Variants in DAPK1 observed in about 807,000 individuals in gnomAD.
The protein encoded by DAPK1 is death-associated protein kinase 1.
DAPK1 carries 56 observed loss-of-function variants against 144.9 expected under a neutral mutation model. That is an observed-to-expected ratio of 0.39 (90% CI 0.31 to 0.48). The LOEUF is 0.48. Ranked by LOEUF, DAPK1 falls within the 20% of genes least tolerant of loss-of-function variation. The probability of loss-of-function intolerance (pLI) is 0.95; values close to 1 mark genes in which losing one functional copy is unlikely to be tolerated. For missense variants in DAPK1, 1,454 were observed against 1,875.4 expected, an observed-to-expected ratio of 0.78 and a Z score of 4.15; for synonymous variants, 690 against 749.0, an observed-to-expected ratio of 0.92 and a Z score of 1.29.
At chr9:87,560,664 G>C (rs1157110177) in intron 2 of DAPK1, among the ~76,000 whole-genome samples, 1 of 121,666 alleles carries the variant, frequency 8.2e-6, no homozygotes, top group African/African-American at 3.7e-5. Context: ...GTGTCAGAAC[G>C]TACTTTTTTT....
chr9:87,534,749 A>G (rs1187055315), intron 2 of DAPK1, among the ~76,000 whole-genome samples: 1 of 151,694 alleles, frequency 6.6e-6, no homozygotes, highest in African/African-American at 2.4e-5. Flanking sequence ...GGTTCAAGCA[A>G]TTCTCCTGCC....
intron 2 of DAPK1, among the ~76,000 whole-genome samples, chr9:87,574,201 C>T (rs1827462895): frequency 6.6e-6 from 1 of 152,180 alleles, no homozygotes; most frequent in Non-Finnish European, 1.5e-5. Flanking sequence ...TTCTATTGGT[C>T]AGAACATAAC....
At chr9:87,532,003 TC>T (rs1286816131) in intron 2 of DAPK1, among the ~76,000 whole-genome samples, 1 of 152,204 alleles carries the variant, frequency 6.6e-6, no homozygotes, top group Non-Finnish European at 1.5e-5. Flanking sequence ...ACAAACACGT[TC>T]CTGAACAGGC....
chr9:87,613,029 T>C (rs780575734), intron 3 of DAPK1, among the ~76,000 whole-genome samples: 1 of 152,268 alleles, frequency 6.6e-6, no homozygotes, highest in Non-Finnish European at 1.5e-5. Flanking sequence ...TTATTTGTTC[T>C]GCTTCCATTT....
At chr9:87,602,890 C>T (rs1828576282) in intron 2 of DAPK1, among the ~76,000 whole-genome samples, 1 of 151,958 alleles carries the variant, frequency 6.6e-6, no homozygotes, top group Non-Finnish European at 1.5e-5. Context: ...CCTCGGCCTC[C>T]CAAAGCGGTT....
intron 19 of DAPK1, among the ~76,000 whole-genome samples, chr9:87,677,094 C>T (rs1824414316): frequency 1.3e-5 from 2 of 152,172 alleles, no homozygotes; most frequent in African/African-American, 4.8e-5. Flanking sequence ...CTGGAAGGCG[C>T]CGTGCACGTG....
intron 21 of DAPK1, among the ~76,000 whole-genome samples, chr9:87,689,914 G>A (rs1412638451): frequency 6.6e-6 from 1 of 152,182 alleles, no homozygotes; most frequent in African/African-American, 2.4e-5. Flanking sequence ...TAGCCTTGCA[G>A]TGTATTTTGA....
At chr9:87,642,863 G>C (rs1419133003) in intron 10 of DAPK1, among the ~76,000 whole-genome samples, 2 of 152,206 alleles carry the variant, frequency 1.3e-5, no homozygotes, top group African/African-American at 4.8e-5. Flanking sequence ...TTTTGCCTTA[G>C]AGAGTAAATG....
At chr9:87,641,907 GTCATA>G in intron 9 of DAPK1, 57 bp from the exon 10 acceptor site, 2 of 1,359,976 alleles carry the variant, frequency 1.5e-6, no homozygotes, top group Non-Finnish European at 2.1e-6. Context: ...TCAAAAAATT[GTCATA>G]TAACACATTT....
chr9:87,658,099 T>C lies in DAPK1; in HGVS notation c.1895T>C (p.Met632Thr). The change falls in exon 18 of 26, where the codon ATG (methionine) becomes ACG (threonine). Residue 632 changes from methionine (M) to threonine (T), a missense_variant. By Grantham distance (81) the Met-to-Thr change is moderately conservative. Coordinates refer to ENST00000408954, the MANE Select transcript of DAPK1 (RefSeq NM_004938.4). ...GACGTGGTCCGGTATCTCTGTCTGA[T>C]GGGAGCCAGCGTTGAGGCGCTGACC... Reference protein sequence around the residue: ...ILDVVRYLCLMGASVEALTTD... With the variant: ...ILDVVRYLCLTGASVEALTTD... 1 of 1,521,118 alleles carries C rather than the reference T, an allele frequency of 6.6e-7. No homozygotes were observed. The highest frequency in any genetic ancestry group is 9.1e-7 in the Non-Finnish European group (1 of 1,096,190). 94.2% of individuals were successfully genotyped at this position (1,521,118 alleles called of 1,614,324 possible). A position where few individuals can be genotyped will look rare whatever the true frequency, so the allele number is the denominator to read the frequency against.
chr9:87,538,571 C>T (rs1026084919), intron 2 of DAPK1, among the ~76,000 whole-genome samples: 2 of 152,124 alleles, frequency 1.3e-5, no homozygotes, highest in South Asian at 2.1e-4. Flanking sequence ...GTCTTTGAGA[C>T]GGGTTGTTAG....
chr9:87,613,490 G>C (rs759469293), intron 3 of DAPK1, among the ~76,000 whole-genome samples: 6 of 152,216 alleles, frequency 3.9e-5, no homozygotes, highest in Non-Finnish European at 8.8e-5. Flanking sequence ...TCACGGTTCA[G>C]TTGGCTCACT....
chr9:87,676,250 C>T (rs1242529600), intron 19 of DAPK1, among the ~76,000 whole-genome samples: 1 of 152,264 alleles, frequency 6.6e-6, no homozygotes, highest in African/African-American at 2.4e-5. Flanking sequence ...GTGTTAAACA[C>T]ACACTGTGTA....
chr9:87,566,243 G>T (rs192553054), intron 2 of DAPK1, among the ~76,000 whole-genome samples: 1 of 151,984 alleles, frequency 6.6e-6, no homozygotes. Context: ...GGATAATCTC[G>T]ATCTCCTGAC....
chr9:87,657,969 A>G (rs959397278), intron 17 of DAPK1, 60 bp from the exon 18 acceptor site: 18 of 735,670 alleles, frequency 2.4e-5, no homozygotes, highest in Non-Finnish European at 3.0e-5. Context: ...TGTCTCCGGA[A>G]TGTCATCCTC....
chr9:87,603,823 C>G (rs763958370), intron 2 of DAPK1, among the ~76,000 whole-genome samples: 2 of 152,120 alleles, frequency 1.3e-5, no homozygotes, highest in African/African-American at 4.8e-5. Context: ...TACCTCTCAC[C>G]GTCTCACGCA....
intron 19 of DAPK1, among the ~76,000 whole-genome samples, chr9:87,671,112 C>T (rs892377022): frequency 6.6e-5 from 10 of 152,144 alleles, no homozygotes; most frequent in African/African-American, 1.9e-4. Flanking sequence ...CCTCTGTCCC[C>T]GTTATCTGCA....
intron 2 of DAPK1, chr9:87,525,539 T>A: frequency 9.6e-7 from 1 of 1,046,224 alleles, no homozygotes; most frequent in Non-Finnish European, 1.5e-6. Flanking sequence ...TAGTTCTTTG[T>A]ACATAAAATA....
At chr9:87,615,909 C>G (rs1381474870) in intron 3 of DAPK1, among the ~76,000 whole-genome samples, 1 of 152,240 alleles carries the variant, frequency 6.6e-6, no homozygotes, top group Non-Finnish European at 1.5e-5. Context: ...TTTCTAAGCC[C>G]TAGGATTCTG....
Sources: gnomAD v4.1 joint callset for allele counts (sites outside exome capture counted in the v4.1 genomes callset) on GRCh38, gnomAD v4.1.1 for gene constraint, MANE v1.5 for transcripts, NCBI Gene and HGNC (gene_info 2026-07-23, HGNC 2026-07-21) for gene names.